FEZ1: variants seen among roughly 807,000 people sequenced by gnomAD.
The protein encoded by FEZ1 is fasciculation and elongation protein zeta-1.
FEZ1 carries 20 observed loss-of-function variants against 49.3 expected under a neutral mutation model. The observed-to-expected ratio is 0.41, with a 90% CI of 0.29 to 0.59. FEZ1 has a LOEUF of 0.59. FEZ1 is among the 20% of genes least tolerant of loss of function. The pLI is 0.36. For missense variants in FEZ1, 413 were observed against 476.0 expected (o/e 0.87, Z 1.23); for synonymous variants, 170 against 180.9 (o/e 0.94, Z 0.48).
rs536318620 is a variant in FEZ1, at chr11:125,454,124, G to A, written c.1020+6C>T. Reference sequence around the variant, plus strand: ...AGAGAGCTTGGAGCAGGGAGACTACGCGTACCTGTTTGTCAGTTCCTGAGG... The same window carrying A: ...AGAGAGCTTGGAGCAGGGAGACTACACGTACCTGTTTGTCAGTTCCTGAGG... On this transcript the variant is annotated splice_donor_region_variant and intron_variant, in intron 7 of 9. Transcript: ENST00000278919. 3.2e-5 allele frequency: 52 copies of A among 1,609,274 alleles called. No homozygotes were observed. The highest frequency in any genetic ancestry group is 1.7e-4 in the Middle Eastern group (1 of 6,040).
chr11:125,469,170 CCAACTGT>C (rs1218742819), intron 3 of FEZ1: 5 of 152,312 alleles, frequency 3.3e-5, no homozygotes, highest in Admixed American at 3.3e-4. Flanking sequence ...CAAATACATG[CCAACTGT>C]CAAGATCTCC....
rs1957403663 is a variant in FEZ1 at position 125,493,362 on chromosome 11, A to AGAAAAG, written c.-46+2758_-46+2759insCTTTTC. ...GAAAGAAAGAAAGAAAGAAAGAGAG[A>AGAAAAG]AAAGAAAGAAAGAAAGAAAGAAAGA... On this transcript the variant is annotated intron_variant, in intron 1 of 9. Transcript: ENST00000278919. Among the ~76,000 whole-genome samples, 26 of 49,570 alleles carry AGAAAAG rather than the reference A, an allele frequency of 5.2e-4. 1 individual carries two copies. Among genetic ancestry groups the AGAAAAG allele is most frequent in the African/African-American group, 8.1e-4 (10 of 12,330 alleles). The allele number at this position is 49,570 out of a possible 152,430, so 32.5% of individuals were successfully genotyped here.
intron 1 of FEZ1, among the ~76,000 whole-genome samples, chr11:125,493,362 AAAAGAAAGAAAG>A (rs555223569): frequency 0.029 from 1,407 of 49,308 alleles, 87 homozygotes; most frequent in Non-Finnish European, 0.032. Flanking sequence ...AGAAAGAGAG[AAAAGAAAGAAAG>A]AAAGAAAGAA....
chr11:125,490,323 G>A (rs1343181112), intron 1 of FEZ1, among the ~76,000 whole-genome samples: 1 of 152,166 alleles, frequency 6.6e-6, no homozygotes, highest in Non-Finnish European at 1.5e-5. Flanking sequence ...TGACCAACAT[G>A]AATATAAAGC....
Position 125,457,429 on chromosome 11 carries a change from A to AAAAAATAT in FEZ1, c.668-1324_668-1323insATATTTTT, listed in dbSNP as rs1164500309. Among the ~76,000 whole-genome samples the AAAAAATAT allele has an allele frequency of 1.2e-3, 26 of 20,904 alleles. 1 individual carries two copies. The highest frequency in any genetic ancestry group is 1.8e-3 in the African/African-American group (9 of 4,980). 13.7% of individuals were successfully genotyped at this position (20,904 alleles called of 152,430 possible). A position where few individuals can be genotyped will look rare whatever the true frequency, so the allele number is the denominator to read the frequency against. On this transcript the variant is annotated intron_variant, in intron 5 of 9. Coordinates refer to ENST00000278919, the MANE Select transcript of FEZ1 (RefSeq NM_005103.5). ...AAAAAAAAAAAAAAAAAAAAAAAAAAATATATATATATATATATATATGTA... is the reference window on the plus strand; with the variant it reads ...AAAAAAAAAAAAAAAAAAAAAAAAAAAAAAATATATATATATATATATATATATATGTA...
At chr11:125,466,976 C>A (rs1247403921) in intron 3 of FEZ1, among the ~76,000 whole-genome samples, 4 of 149,986 alleles carry the variant, frequency 2.7e-5, no homozygotes, top group Admixed American at 6.6e-5. Context: ...AACAAAGATA[C>A]ATTTTTACCT....
intron 3 of FEZ1, among the ~76,000 whole-genome samples, chr11:125,480,290 G>A (rs1565301844): frequency 2.0e-5 from 3 of 152,106 alleles, no homozygotes; most frequent in Admixed American, 2.0e-4. Flanking sequence ...GGTGGGTAAG[G>A]CTGGAGGATC....
chr11:125,446,642 T>TTTG (rs149136142), intron 9 of FEZ1, among the ~76,000 whole-genome samples: 18 of 151,316 alleles, frequency 1.2e-4, no homozygotes, highest in Admixed American at 3.3e-4. Flanking sequence ...TTTTTTGTGT[T>TTTG]TTGTTGTTGT....
chr11:125,464,569 G>A (rs1049004821), intron 3 of FEZ1, among the ~76,000 whole-genome samples: 9 of 152,146 alleles, frequency 5.9e-5, no homozygotes, highest in African/African-American at 2.2e-4. Flanking sequence ...TTTTCTAACA[G>A]GAAACAGCCC....
At chr11:125,494,926 C>G (rs1957442660) in intron 1 of FEZ1, among the ~76,000 whole-genome samples, 1 of 152,152 alleles carries the variant, frequency 6.6e-6, no homozygotes, top group African/African-American at 2.4e-5. Flanking sequence ...TTCTTCCCAT[C>G]ACTTGGTCCA....
intron 3 of FEZ1, among the ~76,000 whole-genome samples, chr11:125,463,941 G>T (rs1351058144): frequency 2.6e-5 from 4 of 152,160 alleles, no homozygotes; most frequent in East Asian, 3.9e-4. Flanking sequence ...TGCAGCAAAG[G>T]TGCCCTGATT....
chr11:125,445,750 T>C lies in FEZ1; in HGVS notation c.*345A>G, dbSNP rs1565528919. 2 of 361,644 alleles carry C rather than the reference T, an allele frequency of 5.5e-6. No homozygotes were observed. The highest frequency in any genetic ancestry group is 1.1e-5 in the Non-Finnish European group (2 of 184,068). 22.4% of individuals were successfully genotyped at this position (361,644 alleles called of 1,614,324 possible). A position where few individuals can be genotyped will look rare whatever the true frequency, so the allele number is the denominator to read the frequency against. On this transcript the variant is annotated 3_prime_UTR_variant, in exon 10 of 10. Coordinates refer to ENST00000278919, the MANE Select transcript of FEZ1 (RefSeq NM_005103.5). This position sits in a 1 kb window ranked among gnomAD's most constrained non-coding sequence, Gnocchi z 4.4. ...ATCACACTCCAAAGCACATGAAGAATATTAATTAAATGAAGGTTTTATTTC... is the reference window on the plus strand; with the variant it reads ...ATCACACTCCAAAGCACATGAAGAACATTAATTAAATGAAGGTTTTATTTC...
intron 5 of FEZ1, among the ~76,000 whole-genome samples, chr11:125,459,939 T>C (rs1957057450): frequency 1.3e-5 from 2 of 151,986 alleles, no homozygotes; most frequent in Non-Finnish European, 2.9e-5. Flanking sequence ...TCTACAAAAA[T>C]ACACAAATTA....
chr11:125,493,492 A>G lies in FEZ1; in HGVS notation c.-46+2629T>C, dbSNP rs1407563035. Among the ~76,000 whole-genome samples, 75 of 99,892 alleles carry G rather than the reference A, an allele frequency of 7.5e-4. 2 individuals are homozygous for G. The highest frequency in any genetic ancestry group is 4.3e-3 in the Middle Eastern group (1 of 234). The allele number at this position is 99,892 out of a possible 152,430, so 65.5% of individuals were successfully genotyped here. On this transcript the variant is annotated intron_variant, in intron 1 of 9. Coordinates refer to ENST00000278919, the MANE Select transcript of FEZ1 (RefSeq NM_005103.5). ...AAAGAAGGAAAGAAGGAAAGAAGGA[A>G]AGAAAGAAAGAAAGAGAGAAAGAAA...
chr11:125,483,567 T>G (rs1268965028), intron 2 of FEZ1, among the ~76,000 whole-genome samples: 2 of 152,178 alleles, frequency 1.3e-5, no homozygotes, highest in African/African-American at 4.8e-5. Flanking sequence ...AAGAAGCAAA[T>G]AGGATTTGCT....
rs375041308 is a variant in FEZ1 at position 125,456,122 on chromosome 11, G to A, written c.668-16C>T. The A allele has an allele frequency of 4.9e-5, 77 of 1,563,602 alleles. No individual in the cohort carries two copies. In the African/African-American group the frequency reaches 6.1e-4, roughly 12 times the overall value. On this transcript the variant is annotated splice_polypyrimidine_tract_variant and intron_variant, in intron 5 of 9. Coordinates refer to ENST00000278919, the MANE Select transcript of FEZ1 (RefSeq NM_005103.5). ...TGCCTCAGCCCTGCAGGGGAAGACC[G>A]TCTCCCGCATAACACCTGCATCCAC...
chr11:125,481,140 C>T (rs996027096), intron 3 of FEZ1, among the ~76,000 whole-genome samples: 8 of 152,048 alleles, frequency 5.3e-5, no homozygotes, highest in East Asian at 3.8e-4. Flanking sequence ...TATAGATGAC[C>T]ATTCCTATCA....
intron 3 of FEZ1, among the ~76,000 whole-genome samples, chr11:125,463,837 G>A (rs746443242): frequency 3.3e-5 from 5 of 152,206 alleles, no homozygotes; most frequent in Non-Finnish European, 5.9e-5. Context: ...GCACCATTCT[G>A]ACTCAAAGGG....
At chr11:125,449,196 CTA>C (rs910896581) in intron 8 of FEZ1, among the ~76,000 whole-genome samples, 1 of 150,338 alleles carries the variant, frequency 6.7e-6, no homozygotes, top group African/African-American at 2.4e-5. Context: ...GCACGTGCCA[CTA>C]TGCCCAGCTA....
Sources: gnomAD v4.1 joint callset for allele counts (sites outside exome capture counted in the v4.1 genomes callset) on GRCh38, gnomAD v4.1.1 for gene constraint, Gnocchi (gnomAD v3.1) non-coding constraint, MANE v1.5 for transcripts, NCBI Gene and HGNC (gene_info 2026-07-23, HGNC 2026-07-21) for gene names.